The following DPYS variants were observed in gnomAD, a reference collection of about 807,000 sequenced individuals.
The protein encoded by DPYS is dihydropyrimidine amidohydrolase.
A neutral mutation model predicts 50.3 loss-of-function variants in DPYS; 39 were observed. The ratio of observed to expected loss-of-function variants is 0.78; its 90% CI spans 0.60 to 1.01. DPYS has a LOEUF of 1.01. DPYS is among the 50% of genes least tolerant of loss of function. DPYS has a pLI of 0.00. For missense variants in DPYS, 659 were observed against 680.9 expected (o/e 0.97, Z 0.36); for synonymous variants, 245 against 250.7 (o/e 0.98, Z 0.22).
intron 8 of DPYS, among the ~76,000 whole-genome samples, chr8:104,390,691 G>T (rs1249036605): frequency 1.3e-5 from 2 of 151,954 alleles, no homozygotes; most frequent in South Asian, 2.1e-4. Context: ...TAGAGATGGG[G>T]TTTTGCCATG....
At position 104,439,562 on chromosome 8, in the gene DPYS, C is replaced by T. The variant is rs547471607; in HGVS notation, c.793+4686G>A. 1.4e-4 allele frequency among the ~76,000 whole-genome samples: 22 copies of T among 152,268 alleles called. No homozygotes were observed. In the South Asian group the frequency reaches 4.4e-3, roughly 30 times the overall value. On this transcript the variant is annotated intron_variant, in intron 4 of 9. Transcript: ENST00000351513. ...CTGTGGGAAGCTGAGGCAGGAAGAT[C>T]GCCTGAGGCCAGGAGTTCAAGACCA...
chr8:104,451,679 G>A (rs1224351264), intron 1 of DPYS, among the ~76,000 whole-genome samples: 1 of 152,170 alleles, frequency 6.6e-6, no homozygotes, highest in Non-Finnish European at 1.5e-5. Flanking sequence ...ACAGAGTGAG[G>A]ATTGTAAAGA....
intron 7 of DPYS, among the ~76,000 whole-genome samples, chr8:104,413,691 C>T (rs958083481): frequency 3.3e-5 from 5 of 152,066 alleles, no homozygotes; most frequent in Admixed American, 3.3e-4. Flanking sequence ...ATATTCAAAC[C>T]TCATGCAATT....
At chr8:104,396,419 G>A (rs1315093259) in intron 7 of DPYS, among the ~76,000 whole-genome samples, 1 of 152,026 alleles carries the variant, frequency 6.6e-6, no homozygotes, top group Non-Finnish European at 1.5e-5. Flanking sequence ...ACATCTAACA[G>A]AAGAAATAAT....
intron 8 of DPYS, among the ~76,000 whole-genome samples, chr8:104,384,055 CTT>C (rs1034817648): frequency 6.6e-6 from 1 of 152,146 alleles, no homozygotes; most frequent in Non-Finnish European, 1.5e-5. Flanking sequence ...CTCTCTCTCT[CTT>C]GCCTGCCTCT....
chr8:104,415,797 G>A (rs929208134), intron 7 of DPYS, among the ~76,000 whole-genome samples: 4 of 152,104 alleles, frequency 2.6e-5, no homozygotes, highest in African/African-American at 4.8e-5. Flanking sequence ...GGGAGACAGA[G>A]TTTTTATATG....
At chr8:104,393,914 G>T (rs2140523812) in intron 7 of DPYS, among the ~76,000 whole-genome samples, 1 of 152,282 alleles carries the variant, frequency 6.6e-6, no homozygotes, top group South Asian at 2.1e-4. Flanking sequence ...CACCCAAACA[G>T]TGTACGCTGA....
chr8:104,393,410 G>T (rs1015064823), intron 7 of DPYS, among the ~76,000 whole-genome samples: 3 of 151,972 alleles, frequency 2.0e-5, no homozygotes, highest in Admixed American at 6.6e-5. Context: ...AGATACAATG[G>T]GGGCTTCTTC....
intron 4 of DPYS, among the ~76,000 whole-genome samples, chr8:104,433,466 C>G (rs1813020540): frequency 6.6e-6 from 1 of 152,098 alleles, no homozygotes; most frequent in African/African-American, 2.4e-5. Context: ...AACCCCATCT[C>G]TACTAAAAAT....
intron 1 of DPYS, among the ~76,000 whole-genome samples, chr8:104,464,312 T>C (rs1393326418): frequency 1.3e-5 from 2 of 152,166 alleles, no homozygotes; most frequent in South Asian, 2.1e-4. Context: ...AAGGAAAAGA[T>C]AGAAGACCAA....
intron 8 of DPYS, among the ~76,000 whole-genome samples, chr8:104,383,520 T>G (rs1186034742): frequency 1.3e-5 from 2 of 152,130 alleles, no homozygotes; most frequent in East Asian, 3.9e-4. Flanking sequence ...TTCTTCTTTT[T>G]GTGGTTTGGC....
chr8:104,428,344 G>T (rs1812810266), intron 5 of DPYS, among the ~76,000 whole-genome samples: 1 of 152,186 alleles, frequency 6.6e-6, no homozygotes, highest in African/African-American at 2.4e-5. Context: ...ATCCAAGATG[G>T]GTTAGGAAAC....
At chr8:104,416,658 AGTGT>A (rs58283473) in intron 7 of DPYS, among the ~76,000 whole-genome samples, 31 of 150,642 alleles carry the variant, frequency 2.1e-4, no homozygotes, top group African/African-American at 5.8e-4. Flanking sequence ...TGTGCATGTG[AGTGT>A]GTGTGTGTGT....
intron 4 of DPYS, among the ~76,000 whole-genome samples, chr8:104,432,840 TG>T (rs1253601115): frequency 2.6e-5 from 4 of 152,236 alleles, no homozygotes; most frequent in Non-Finnish European, 4.4e-5. Flanking sequence ...AGAATCTTCC[TG>T]GGACCCTGGA....
intron 1 of DPYS, among the ~76,000 whole-genome samples, chr8:104,454,548 C>G (rs975458807): frequency 1.4e-4 from 22 of 152,158 alleles, no homozygotes; most frequent in African/African-American, 5.1e-4. Flanking sequence ...CTACCACATC[C>G]AAGCCACTGT....
chr8:104,466,980 G>T lies in DPYS; in HGVS notation c.-60C>A. The T allele has an allele frequency of 7.4e-7, 1 of 1,357,948 alleles. No homozygotes were observed. The highest frequency in any genetic ancestry group is 9.4e-7 in the Non-Finnish European group (1 of 1,059,246). The allele number at this position is 1,357,948 out of a possible 1,614,324, so 84.1% of individuals were successfully genotyped here. ...CTGCGCGCAGGGGCTGGGTTGGGCGGGCCGGGCGGGCTTGGGGTGCCCTCC... is the reference window on the plus strand; with the variant it reads ...CTGCGCGCAGGGGCTGGGTTGGGCGTGCCGGGCGGGCTTGGGGTGCCCTCC... On this transcript the variant is annotated 5_prime_UTR_variant, in exon 1 of 10. Coordinates refer to ENST00000351513, the MANE Select transcript of DPYS (RefSeq NM_001385.3).
At chr8:104,453,802 G>A (rs756245343) in intron 1 of DPYS, among the ~76,000 whole-genome samples, 1 of 152,166 alleles carries the variant, frequency 6.6e-6, no homozygotes, top group Admixed American at 6.5e-5. Context: ...AATGTCCATC[G>A]ACTCATGAAT....
chr8:104,400,288 G>A (rs533519866), intron 7 of DPYS, among the ~76,000 whole-genome samples: 2 of 152,316 alleles, frequency 1.3e-5, no homozygotes, highest in South Asian at 2.1e-4. Context: ...GCCCATGGAT[G>A]TTTCTGAGGC....
chr8:104,462,439 TC>T (rs1408288402), intron 1 of DPYS, among the ~76,000 whole-genome samples: 7 of 152,118 alleles, frequency 4.6e-5, no homozygotes, highest in Non-Finnish European at 8.8e-5. Context: ...TTGTAAGTAA[TC>T]CCCACAATGG....
Sources: allele counts gnomAD v4.1 joint callset (sites outside exome capture counted in the v4.1 genomes callset), GRCh38; gene constraint gnomAD v4.1.1; transcripts MANE v1.5; gene names NCBI Gene and HGNC (gene_info 2026-07-23, HGNC 2026-07-21).